STAB2: variants seen among roughly 807,000 people sequenced by gnomAD.
STAB2 encodes stabilin-2.
Under a neutral mutation model 338.1 loss-of-function variants are expected in STAB2, and 288 were observed. The observed-to-expected ratio is 0.85, with a 90% CI of 0.77 to 0.94. STAB2 has a LOEUF of 0.94. Ranked by LOEUF, STAB2 falls within the 40% of genes least tolerant of loss-of-function variation. The probability of loss-of-function intolerance (pLI) is 0.00; values close to 1 mark genes in which losing one functional copy is unlikely to be tolerated. For missense variants in STAB2, 3,141 were observed against 3,210.1 expected (o/e 0.98, Z 0.52); for synonymous variants, 1,202 against 1,193.3 (o/e 1.01, Z -0.15).
At chr12:103,620,624 A>C (rs1046038920) in intron 4 of STAB2, 71 bp downstream of exon 4, 2 of 841,664 alleles carry the variant, frequency 2.4e-6, no homozygotes, top group Non-Finnish European at 3.8e-6. Context: ...ATCCTCCTTA[A>C]ACACACACAC....
At chr12:103,735,743 G>A (rs117674693) in intron 52 of STAB2, among the ~76,000 whole-genome samples, 163 bp downstream of exon 52, 2,305 of 152,156 alleles carry the variant, frequency 0.015, 21 homozygotes, top group Middle Eastern at 0.044. Context: ...CTGAGACTGC[G>A]TCATTGGATA....
chr12:103,757,977 G>A, intron 63 of STAB2, 193 bp from the exon 64 acceptor site: 7 of 744,692 alleles, frequency 9.4e-6, no homozygotes, highest in South Asian at 1.8e-5. Flanking sequence ...TTAAACCATA[G>A]GATTCACTGA....
chr12:103,722,881 C>G (rs1880874113), intron 44 of STAB2, among the ~76,000 whole-genome samples: 1 of 152,150 alleles, frequency 6.6e-6, no homozygotes, highest in South Asian at 2.1e-4. Context: ...GACCCAGACC[C>G]CAGGTGGAGA....
intron 27 of STAB2, among the ~76,000 whole-genome samples, chr12:103,687,511 G>C (rs761382862): frequency 1.1e-4 from 17 of 152,088 alleles, no homozygotes; most frequent in Non-Finnish European, 1.5e-4. Context: ...CCCCACCCCA[G>C]TACCAACTGG....
intron 39 of STAB2, among the ~76,000 whole-genome samples, chr12:103,709,136 T>A (rs549821187): frequency 6.6e-6 from 1 of 152,308 alleles, no homozygotes; most frequent in Non-Finnish European, 1.5e-5. Flanking sequence ...GCCCATTTCC[T>A]TCAATCCGAC....
At chr12:103,733,261 T>C in intron 51 of STAB2, 79 bp downstream of exon 51, 1 of 1,529,022 alleles carries the variant, frequency 6.5e-7, no homozygotes, top group South Asian at 1.2e-5. Context: ...CATTGTGGCC[T>C]AGGAACTGTC....
rs1274925454 is a variant in STAB2 at position 103,661,236 on chromosome 12, AAG to A, written c.1869+482_1869+483del. On this transcript the variant is annotated intron_variant, in intron 17 of 68. Transcript: ENST00000388887. ...TCCAGACAAAAAAAAAAAAAAAAAA[AAG>A]AGAGAGAGCATGTGCAAAGACCCTG... 2.3e-3 allele frequency among the ~76,000 whole-genome samples: 316 copies of A among 138,708 alleles called. 3 individuals are homozygous for A. The highest frequency in any genetic ancestry group is 3.4e-3 in the Non-Finnish European group (209 of 60,594). The allele number at this position is 138,708 out of a possible 152,430, so 91.0% of individuals were successfully genotyped here.
chr12:103,695,883 G>C lies in STAB2; in HGVS notation c.3582+39G>C, dbSNP rs1243576995. 3.1e-6 allele frequency: 5 copies of C among 1,592,476 alleles called. No homozygotes were observed. The Admixed American group carries it at 8.3e-5, about 27-fold the overall frequency. On this transcript the variant is annotated intron_variant, in intron 33 of 68. Coordinates refer to ENST00000388887, the MANE Select transcript of STAB2 (RefSeq NM_017564.10). Reference sequence around the variant, plus strand: ...ACTATAACTAGGGAAGTTATTTTGTGAAAATTCAAACACTCAGTGTTTGTA... The same window carrying C: ...ACTATAACTAGGGAAGTTATTTTGTCAAAATTCAAACACTCAGTGTTTGTA...
intron 46 of STAB2, 50 bp from the exon 47 acceptor site, chr12:103,727,217 T>G: frequency 6.3e-7 from 1 of 1,592,004 alleles, no homozygotes; most frequent in Non-Finnish European, 8.6e-7. Flanking sequence ...AGCCCCGGCA[T>G]GTATTGATGT....
intron 44 of STAB2, 152 bp downstream of exon 44, chr12:103,717,993 A>G (rs2139029082): frequency 2.7e-6 from 2 of 754,342 alleles, no homozygotes; most frequent in Non-Finnish European, 2.2e-6. Flanking sequence ...GGCACACTCC[A>G]TTGTAATGTT....
At chr12:103,622,510 C>T (rs1193133633) in intron 5 of STAB2, among the ~76,000 whole-genome samples, 1 of 152,234 alleles carries the variant, frequency 6.6e-6, no homozygotes, top group East Asian at 1.9e-4. Flanking sequence ...GCTATTGTTA[C>T]AGGTGCATAC....
chr12:103,635,644 G>T (rs1374095877), intron 6 of STAB2, among the ~76,000 whole-genome samples: 1 of 152,238 alleles, frequency 6.6e-6, no homozygotes, highest in Non-Finnish European at 1.5e-5. Flanking sequence ...CCCCTGAAGA[G>T]CTGGTCATCT....
intron 24 of STAB2, among the ~76,000 whole-genome samples, chr12:103,676,337 C>G (rs1045459031): frequency 2.6e-5 from 4 of 151,254 alleles, no homozygotes; most frequent in Non-Finnish European, 5.9e-5. Flanking sequence ...GACTACAGGC[C>G]TAAGCCACCG....
At position 103,669,414 on chromosome 12, in the gene STAB2, A is replaced by G. The variant is rs1406509228; in HGVS notation, c.2173-127A>G. The G allele has an allele frequency of 5.0e-6, 4 of 797,302 alleles. No homozygotes were observed. The East Asian group carries it at 1.0e-4, about 20-fold the overall frequency. The allele number at this position is 797,302 out of a possible 1,614,324, so 49.4% of individuals were successfully genotyped here. A position where few individuals can be genotyped will look rare whatever the true frequency, so the allele number is the denominator to read the frequency against. ...CTAGCCATGCCATCAACTGCCAAAG[A>G]AAAGGGCAACCTCATAAGGAGAGGC... On this transcript the variant is annotated intron_variant, in intron 20 of 68. Transcript: ENST00000388887.
intron 34 of STAB2, 81 bp downstream of exon 34, chr12:103,699,308 C>A (rs1022162475): frequency 4.7e-6 from 7 of 1,499,826 alleles, no homozygotes; most frequent in Non-Finnish European, 6.3e-6. Context: ...TGTCTTGGCT[C>A]CTGTCATCCT....
intron 5 of STAB2, 50 bp downstream of exon 5, chr12:103,622,161 A>G: frequency 1.3e-6 from 2 of 1,581,008 alleles, no homozygotes; most frequent in Non-Finnish European, 8.7e-7. Context: ...TTGACAGTCC[A>G]TGAGAAAGAT....
At chr12:103,592,813 T>C (rs1956820310) in intron 2 of STAB2, among the ~76,000 whole-genome samples, 1 of 152,180 alleles carries the variant, frequency 6.6e-6, no homozygotes, top group Admixed American at 6.5e-5. Context: ...TAACCAAAAC[T>C]TTGTACCCTG....
chr12:103,635,337 G>A (rs1045018282), intron 6 of STAB2, among the ~76,000 whole-genome samples: 3 of 152,188 alleles, frequency 2.0e-5, no homozygotes, highest in Admixed American at 6.5e-5. Context: ...CCTTATCAAT[G>A]AAGAGTGCCA....
intron 3 of STAB2, among the ~76,000 whole-genome samples, chr12:103,619,758 C>A (rs920156804): frequency 4.0e-5 from 6 of 151,326 alleles, no homozygotes; most frequent in Non-Finnish European, 7.4e-5. Flanking sequence ...CGCCCCCCGC[C>A]CCCGCCACCC....
Sources: gnomAD v4.1 joint callset for allele counts (sites outside exome capture counted in the v4.1 genomes callset) on GRCh38, gnomAD v4.1.1 for gene constraint, MANE v1.5 for transcripts, NCBI Gene and HGNC (gene_info 2026-07-23, HGNC 2026-07-21) for gene names.